The following FKBPL variants were observed in gnomAD, a reference collection of about 807,000 sequenced individuals.
The protein encoded by FKBPL is FKBP prolyl isomerase like.
In FKBPL, 31 loss-of-function variants were observed where a neutral mutation model predicts 27.9. That is an observed-to-expected ratio of 1.11 (90% CI 0.83 to 1.50). FKBPL has a LOEUF of 1.50. Among genes scored for constraint, FKBPL ranks in the 40% most tolerant of loss-of-function variants. FKBPL has a pLI of 0.00. For synonymous variants in FKBPL, 134 were observed against 169.5 expected (o/e 0.79, Z 1.63); for missense variants, 355 against 425.9 (o/e 0.83, Z 1.46).
chr6:32,129,418 G>A lies in FKBPL; in HGVS notation c.363C>T (p.Gly121=). 6.2e-7 allele frequency: 1 copy of A among 1,614,250 alleles called. No individual in the cohort carries two copies. The highest frequency in any genetic ancestry group is 8.5e-7 in the Non-Finnish European group (1 of 1,180,052). Residue 121 remains glycine (G), a synonymous_variant, in exon 2 of 2, where the codon GGC becomes GGT. Transcript: ENST00000375156. This position sits in a 1 kb window ranked among gnomAD's most constrained non-coding sequence, Gnocchi z 4.5. ...CCAAAGCCAGTACCCGGCAGCAGGA[G>A]CCTAGTTTGGGTTTGTCCAAGCCAT... ...RGHGLDKPKL[G]SCCRVLALGF...
chr6:32,129,381 C>T lies in FKBPL; in HGVS notation c.400G>A (p.Gly134Arg), dbSNP rs1582545364. Reference protein sequence around the residue: ...CRVLALGFPFGSGPPEGWTEL... With the variant: ...CRVLALGFPFRSGPPEGWTEL... The stretch of plus-strand genomic sequence containing the variant: ...GTCCAGCCCTCTGGCGGCCCTGATC[C>T]GAAAGGAAACCCCAAAGCCAGTACC... The change falls in exon 2 of 2, where the codon GGA becomes AGA. Residue 134 changes from glycine to arginine, a missense_variant. By Grantham distance (125) the Gly-to-Arg change is moderately radical (BLOSUM62 -2). Coordinates refer to ENST00000375156, the MANE Select transcript of FKBPL (RefSeq NM_022110.4). This position sits in a 1 kb window ranked among gnomAD's most constrained non-coding sequence, Gnocchi z 4.5. 6.2e-7 allele frequency: 1 copy of T among 1,614,182 alleles called. No homozygotes were observed. Among genetic ancestry groups the T allele is most frequent in the South Asian group, 1.1e-5 (1 of 91,088 alleles).
intron 1 of FKBPL, 26 bp downstream of exon 1, chr6:32,130,069 G>A (rs1057020163): frequency 1.2e-4 from 65 of 554,940 alleles, no homozygotes; most frequent in Non-Finnish European, 2.0e-4. Flanking sequence ...CGCCAACTAC[G>A]GACACCCGGT....
rs1782123289 is a variant in FKBPL, at chr6:32,128,932, A to C, written c.849T>G (p.Pro283=). The change falls in exon 2 of 2, where the codon CCT becomes CCG. Residue 283 remains proline, a synonymous_variant. Coordinates refer to ENST00000375156, the MANE Select transcript of FKBPL (RefSeq NM_022110.4). ...QSCDRVLERE[P]GHLKALYRRG... Reference sequence around the variant, plus strand: ...TTCGGTATAAGGCCTTTAAATGGCCAGGCTCCCGCTCCAACACCCGGTCAC... The same window carrying C: ...TTCGGTATAAGGCCTTTAAATGGCCCGGCTCCCGCTCCAACACCCGGTCAC... The C allele has an allele frequency of 1.2e-5, 19 of 1,614,164 alleles. 1 individual carries two copies. The highest frequency in any genetic ancestry group is 1.5e-5 in the Non-Finnish European group (18 of 1,180,008).
In FKBPL at chr6:32,128,758, A is replaced by T; in HGVS notation, c.1023T>A (p.Ala341=). ...IQGKNQDAGL[A]QGLRKMFG is the part of the protein sequence containing the mutation. ...AGCCAAACATCTTGCGCAGACCCTG[A>T]GCCAGCCCTGCATCCTGGTTCTTCC... Residue 341 remains alanine, a synonymous_variant, in exon 2 of 2, where the codon GCT becomes GCA. Transcript: ENST00000375156. The T allele has an allele frequency of 6.2e-7, 1 of 1,614,148 alleles. No homozygotes were observed. The highest frequency in any genetic ancestry group is 8.5e-7 in the Non-Finnish European group (1 of 1,180,036).
rs1782149082 is a variant in FKBPL at position 32,129,416 on chromosome 6, G to A, written c.365C>T (p.Ser122Phe). 4.3e-6 allele frequency: 7 copies of A among 1,614,228 alleles called. No homozygotes were observed. Among genetic ancestry groups the A allele is most frequent in the Middle Eastern group, 1.6e-4 (1 of 6,062 alleles). ...CCCCAAAGCCAGTACCCGGCAGCAG[G>A]AGCCTAGTTTGGGTTTGTCCAAGCC... ...GHGLDKPKLG[S>F]CCRVLALGFP... Residue 122 changes from serine to phenylalanine, a missense_variant, in exon 2 of 2, where the codon TCC (serine) becomes TTC (phenylalanine). Physicochemically the swap from Ser to Phe is radical, Grantham distance 155 (BLOSUM62 -2). Coordinates refer to ENST00000375156, the MANE Select transcript of FKBPL (RefSeq NM_022110.4). The surrounding 1 kb of genome is among the most constrained non-coding windows in gnomAD (Gnocchi z 4.5).
At position 32,129,128 on chromosome 6, in the gene FKBPL, G is replaced by T. The variant is rs1223162148; in HGVS notation, c.653C>A (p.Thr218Lys). Residue 218 changes from threonine (T) to lysine (K), a missense_variant, in exon 2 of 2, where the codon ACA becomes AAA. Coordinates refer to ENST00000375156, the MANE Select transcript of FKBPL (RefSeq NM_022110.4). The surrounding 1 kb of genome is among the most constrained non-coding windows in gnomAD (Gnocchi z 4.5). ...ALAREERARG[T>K]ELFRAGNPEG... ...AGGGTTCCCAGCTCGAAATAGTTCT[G>T]TGCCCCTTGCACGTTCTTCCCTGGC... 1.9e-6 allele frequency: 3 copies of T among 1,614,122 alleles called. No homozygotes were observed. Among genetic ancestry groups the T allele is most frequent in the Non-Finnish European group, 2.5e-6 (3 of 1,180,038 alleles).
rs895647334 is a variant in FKBPL at position 32,129,287 on chromosome 6, T to A, written c.494A>T (p.Glu165Val). The change falls in exon 2 of 2, where the codon GAG (glutamate) becomes GTG (valine). Residue 165 changes from glutamate (E) to valine (V), a missense_variant. Transcript: ENST00000375156. The surrounding 1 kb of genome is among the most constrained non-coding windows in gnomAD (Gnocchi z 4.5). Reference sequence around the variant, plus strand: ...TGCTTCCTCACCTTGACACATGGACTCCAAGCATTTCTCTATGAGCTCCCC... The same window carrying A: ...TGCTTCCTCACCTTGACACATGGACACCAAGCATTTCTCTATGAGCTCCCC... ...TWGELIEKCL[E>V]SMCQGEEAEL... 6.2e-7 allele frequency: 1 copy of A among 1,614,248 alleles called. No homozygotes were observed. Among genetic ancestry groups the A allele is most frequent in the Non-Finnish European group, 8.5e-7 (1 of 1,180,042 alleles).
Position 32,129,025 on chromosome 6 carries a change from A to C in FKBPL, c.756T>G (p.Thr252=), listed in dbSNP as rs1361581729. The C allele has an allele frequency of 6.2e-7, 1 of 1,614,224 alleles. No individual in the cohort carries two copies. Among genetic ancestry groups the C allele is most frequent in the Admixed American group, 1.7e-5 (1 of 60,032 alleles). The change falls in exon 2 of 2, where the codon ACT becomes ACG. Residue 252 remains threonine, a synonymous_variant. Transcript: ENST00000375156. This position sits in a 1 kb window ranked among gnomAD's most constrained non-coding sequence, Gnocchi z 4.5. Reference sequence around the variant, plus strand: ...AGGCAGCCAGATTGGCATGAAGGACAGTTCGTTCTGGAGGGCCAGGTGGGG... The same window carrying C: ...AGGCAGCCAGATTGGCATGAAGGACCGTTCGTTCTGGAGGGCCAGGTGGGG... ...TLPPPGPPER[T]VLHANLAACQ... is the part of the protein sequence containing the mutation.
In FKBPL at chr6:32,130,087, A is replaced by G. The variant is rs547947060; in HGVS notation, c.-75+8T>C. ...CAACTACGGACACCCGGTCGGGTCA[A>G]TAAGTACCTGCGCGGCCAAAGTGCC... is the stretch of plus-strand genomic sequence containing the variant. On this transcript the variant is annotated splice_region_variant and intron_variant, in intron 1 of 1. Coordinates refer to ENST00000375156, the MANE Select transcript of FKBPL (RefSeq NM_022110.4). 5 of 528,350 alleles carry G rather than the reference A, an allele frequency of 9.5e-6. No homozygotes were observed. The highest frequency in any genetic ancestry group is 3.4e-5 in the East Asian group (1 of 29,326). 32.7% of individuals were successfully genotyped at this position (528,350 alleles called of 1,614,324 possible).
chr6:32,130,093 A>G lies in FKBPL; in HGVS notation c.-75+2T>C. 2 of 509,586 alleles carry G rather than the reference A, an allele frequency of 3.9e-6. No homozygotes were observed. Among genetic ancestry groups the G allele is most frequent in the South Asian group, 2.2e-5 (1 of 46,060 alleles). 31.6% of individuals were successfully genotyped at this position (509,586 alleles called of 1,614,324 possible). ...CGGACACCCGGTCGGGTCAATAAGT[A>G]CCTGCGCGGCCAAAGTGCCTAGCAT... On this transcript the variant is annotated splice_donor_variant, in intron 1 of 1. Coordinates refer to ENST00000375156, the MANE Select transcript of FKBPL (RefSeq NM_022110.4). LOFTEE classifies it low-confidence loss of function (5UTR_SPLICE).
In FKBPL at chr6:32,128,819, G is replaced by A; in HGVS notation, c.962C>T (p.Ala321Val). The A allele has an allele frequency of 6.2e-7, 1 of 1,614,246 alleles. No homozygotes were observed. The highest frequency in any genetic ancestry group is 8.5e-7 in the Non-Finnish European group (1 of 1,180,042). Residue 321 changes from alanine to valine, a missense_variant, in exon 2 of 2, where the codon GCA (alanine) becomes GTA (valine). Physicochemically the swap from Ala to Val is moderately conservative, Grantham distance 64 (BLOSUM62 0). Transcript: ENST00000375156. ...KVLAIDPKNR[A>V]AQEELGKVVI... is the part of the protein sequence containing the mutation. Reference sequence around the variant, plus strand: ...CACCTTCCCCAGTTCCTCCTGGGCTGCCCGGTTTTTGGGATCTATCGCCAG... The same window carrying A: ...CACCTTCCCCAGTTCCTCCTGGGCTACCCGGTTTTTGGGATCTATCGCCAG...
Position 32,129,705 on chromosome 6 carries a change from G to T in FKBPL, c.76C>A (p.Arg26=), listed in dbSNP as rs1310975199. 9 of 1,614,022 alleles carry T rather than the reference G, an allele frequency of 5.6e-6. No individual in the cohort carries two copies. The highest frequency in any genetic ancestry group is 7.6e-6 in the Non-Finnish European group (9 of 1,180,044). The change falls in exon 2 of 2, where the codon CGG becomes AGG. Residue 26 remains arginine (R), a synonymous_variant. Coordinates refer to ENST00000375156, the MANE Select transcript of FKBPL (RefSeq NM_022110.4). This position sits in a 1 kb window ranked among gnomAD's most constrained non-coding sequence, Gnocchi z 4.5. ...QPQQEWEKNL[R]ENLDSVIQIR... ...TGAATAACTGAATCAAGGTTCTCCC[G>T]AAGGTTCTTTTCCCACTCTTGTTGC...
At position 32,129,592 on chromosome 6, in the gene FKBPL, A is replaced by G; in HGVS notation, c.189T>C (p.Thr63=). ...CAGCAACCAGTTTTTCAGCTCCTTG[A>G]GTATGCTCTAGAATTTGGCTGGCTG... ...PDPASQILEH[T]QGAEKLVAEL... is the part of the protein sequence containing the mutation. The change falls in exon 2 of 2, where the codon ACT becomes ACC. Residue 63 remains threonine, a synonymous_variant. Transcript: ENST00000375156. The surrounding 1 kb of genome is among the most constrained non-coding windows in gnomAD (Gnocchi z 4.5). 1 of 1,614,154 alleles carries G rather than the reference A, an allele frequency of 6.2e-7. No homozygotes were observed. Among genetic ancestry groups the G allele is most frequent in the Non-Finnish European group, 8.5e-7 (1 of 1,180,022 alleles).
At position 32,128,759 on chromosome 6, in the gene FKBPL, G is replaced by A; in HGVS notation, c.1022C>T (p.Ala341Val). The change falls in exon 2 of 2, where the codon GCT becomes GTT. Residue 341 changes from alanine to valine, a missense_variant. Transcript: ENST00000375156. Reference sequence around the variant, plus strand: ...GCCAAACATCTTGCGCAGACCCTGAGCCAGCCCTGCATCCTGGTTCTTCCC... The same window carrying A: ...GCCAAACATCTTGCGCAGACCCTGAACCAGCCCTGCATCCTGGTTCTTCCC... ...IQGKNQDAGL[A>V]QGLRKMFG 2 of 1,614,162 alleles carry A rather than the reference G, an allele frequency of 1.2e-6. No homozygotes were observed. The highest frequency in any genetic ancestry group is 2.2e-5 in the South Asian group (2 of 91,090).
chr6:32,129,755 A>G lies in FKBPL; in HGVS notation c.26T>C (p.Ile9Thr), dbSNP rs760151044. 38 of 1,613,670 alleles carry G rather than the reference A, an allele frequency of 2.4e-5. No individual in the cohort carries two copies. Among genetic ancestry groups the G allele is most frequent in the Non-Finnish European group, 2.7e-5 (32 of 1,179,928 alleles). The stretch of plus-strand genomic sequence containing the variant: ...CGGCTGAGAGGTGTCCTTTTCTCCA[A>G]TTGTATTGACTGGTGGCGTCTCCAT... METPPVNTIGEKDTSQPQQ... is the reference protein window; with the variant it reads METPPVNTTGEKDTSQPQQ... The change falls in exon 2 of 2, where the codon ATT (isoleucine) becomes ACT (threonine). Residue 9 changes from isoleucine (I) to threonine (T), a missense_variant. Transcript: ENST00000375156. The surrounding 1 kb of genome is among the most constrained non-coding windows in gnomAD (Gnocchi z 4.5).
At position 32,129,643 on chromosome 6, in the gene FKBPL, C is replaced by T. The variant is rs375189513; in HGVS notation, c.138G>A (p.Thr46=). 9.9e-6 allele frequency: 16 copies of T among 1,613,992 alleles called. No homozygotes were observed. The highest frequency in any genetic ancestry group is 1.0e-5 in the Non-Finnish European group (12 of 1,180,028). ...GATCTGGGCTTACTTCCAGCTCAAGCGTTTCGGTAGGAGGGTCTCGGGGCT... is the reference window on the plus strand; with the variant it reads ...GATCTGGGCTTACTTCCAGCTCAAGTGTTTCGGTAGGAGGGTCTCGGGGCT... ...RQQPRDPPTE[T]LELEVSPDPA... Residue 46 remains threonine, a synonymous_variant, in exon 2 of 2, where the codon ACG becomes ACA. Transcript: ENST00000375156. The surrounding 1 kb of genome is among the most constrained non-coding windows in gnomAD (Gnocchi z 4.5).
In FKBPL at chr6:32,129,597, G is replaced by C. The variant is rs1200500455; in HGVS notation, c.184C>G (p.His62Asp). 2 of 1,614,204 alleles carry C rather than the reference G, an allele frequency of 1.2e-6. No homozygotes were observed. Among genetic ancestry groups the C allele is most frequent in the African/African-American group, 1.3e-5 (1 of 75,044 alleles). The change falls in exon 2 of 2, where the codon CAT becomes GAT. Residue 62 changes from histidine (H) to aspartate (D), a missense_variant. His to Asp is a moderately conservative substitution (Grantham distance 81). Transcript: ENST00000375156. This position sits in a 1 kb window ranked among gnomAD's most constrained non-coding sequence, Gnocchi z 4.5. The part of the protein sequence containing the change: ...SPDPASQILE[H>D]TQGAEKLVAE... The stretch of plus-strand genomic sequence containing the variant: ...ACCAGTTTTTCAGCTCCTTGAGTAT[G>C]CTCTAGAATTTGGCTGGCTGGATCT...
chr6:32,130,070 G>T, intron 1 of FKBPL, 25 bp downstream of exon 1: 1 of 554,190 alleles, frequency 1.8e-6, no homozygotes, highest in Non-Finnish European at 3.2e-6. Flanking sequence ...GCCAACTACG[G>T]ACACCCGGTC....
In FKBPL at chr6:32,129,999, T is replaced by A; in HGVS notation, c.-75+96A>T. On this transcript the variant is annotated intron_variant, in intron 1 of 1. Coordinates refer to ENST00000375156, the MANE Select transcript of FKBPL (RefSeq NM_022110.4). The surrounding 1 kb of genome is among the most constrained non-coding windows in gnomAD (Gnocchi z 4.5). ...CCAAAAATCTGCTCCAGCTTCCCCG[T>A]TCCACCCACATATAATTTAGAACTA... is the stretch of plus-strand genomic sequence containing the variant. 1 of 619,808 alleles carries A rather than the reference T, an allele frequency of 1.6e-6. No individual in the cohort carries two copies. Among genetic ancestry groups the A allele is most frequent in the East Asian group, 2.7e-5 (1 of 36,720 alleles). 38.4% of individuals were successfully genotyped at this position (619,808 alleles called of 1,614,324 possible). A position where few individuals can be genotyped will look rare whatever the true frequency, so the allele number is the denominator to read the frequency against.
Sources: allele counts gnomAD v4.1 joint callset, GRCh38; gene constraint gnomAD v4.1.1; non-coding constraint Gnocchi (gnomAD v3.1); transcripts MANE v1.5; gene names NCBI Gene and HGNC (gene_info 2026-07-23, HGNC 2026-07-21).